The following SLC24A2 variants were observed in gnomAD, a reference collection of about 807,000 sequenced individuals.
SLC24A2 encodes sodium/potassium/calcium exchanger 2.
SLC24A2 carries 36 observed loss-of-function variants against 62.0 expected under a neutral mutation model. The observed-to-expected ratio is 0.58, with a 90% CI of 0.44 to 0.77. The LOEUF is 0.77. SLC24A2 is among the 30% of genes least tolerant of loss of function. SLC24A2 has a pLI of 0.00. For missense variants in SLC24A2, 846 were observed against 817.9 expected (o/e 1.03, Z -0.42); for synonymous variants, 358 against 294.0 (o/e 1.22, Z -2.23).
chr9:19,723,342 A>G (rs1386157622), intron 2 of SLC24A2, among the ~76,000 whole-genome samples: 1 of 152,110 alleles, frequency 6.6e-6, no homozygotes. Context: ...TCTGCTAACA[A>G]TAAAGAAAAA....
the SLC24A2 span, among the ~76,000 whole-genome samples, chr9:20,057,109 G>A: frequency 6.6e-6 from 1 of 152,130 alleles, no homozygotes; most frequent in African/African-American, 2.4e-5. Flanking sequence ...GTGTGTGTGT[G>A]CATGTGCATT....
the SLC24A2 span, among the ~76,000 whole-genome samples, chr9:19,797,808 T>C: frequency 6.6e-6 from 1 of 152,192 alleles, no homozygotes; most frequent in African/African-American, 2.4e-5. Context: ...CTCCCCCTTT[T>C]TGCCAGCGTG....
intron 9 of SLC24A2, among the ~76,000 whole-genome samples, chr9:19,521,997 C>G (rs1001232283): frequency 6.6e-6 from 1 of 151,628 alleles, no homozygotes; most frequent in Non-Finnish European, 1.5e-5. Flanking sequence ...CTTCTTGGGA[C>G]TTTTTAGAAA....
At chr9:19,621,524 T>A (rs1293800646) in intron 3 of SLC24A2, among the ~76,000 whole-genome samples, 1 of 152,202 alleles carries the variant, frequency 6.6e-6, no homozygotes, top group African/African-American at 2.4e-5. Flanking sequence ...ATGATTACGG[T>A]TCAAAACATT....
chr9:20,240,700 A>AG, the SLC24A2 span, among the ~76,000 whole-genome samples: 7 of 152,152 alleles, frequency 4.6e-5, no homozygotes, highest in East Asian at 1.9e-4. Context: ...TGGTCATTTC[A>AG]GGGGGGTTTT....
At chr9:19,691,531 T>G (rs1820046211) in intron 2 of SLC24A2, among the ~76,000 whole-genome samples, 1 of 152,162 alleles carries the variant, frequency 6.6e-6, no homozygotes, top group African/African-American at 2.4e-5. Context: ...CATAGCTGGG[T>G]TCTATCTCTG....
chr9:19,778,311 C>T (rs1317927164), intron 2 of SLC24A2, among the ~76,000 whole-genome samples: 1 of 152,086 alleles, frequency 6.6e-6, no homozygotes, highest in Non-Finnish European at 1.5e-5. Context: ...TATTGCTTTG[C>T]CTTCAAGGTA....
the SLC24A2 span, among the ~76,000 whole-genome samples, chr9:19,976,051 A>C: frequency 6.6e-6 from 1 of 152,072 alleles, no homozygotes; most frequent in Non-Finnish European, 1.5e-5. Flanking sequence ...TAATTTTTAA[A>C]TTTTTAACTT....
the SLC24A2 span, among the ~76,000 whole-genome samples, chr9:20,063,771 A>C: frequency 6.6e-6 from 1 of 152,222 alleles, no homozygotes; most frequent in African/African-American, 2.4e-5. Flanking sequence ...GCACATTTAA[A>C]AGTGCTTGAC....
chr9:20,244,549 C>T, the SLC24A2 span, among the ~76,000 whole-genome samples: 4 of 152,186 alleles, frequency 2.6e-5, no homozygotes, highest in African/African-American at 9.7e-5. Context: ...GCACCAGTGC[C>T]GAACATCTTT....
Position 19,513,166 on chromosome 9 carries a change from A to ATG in SLC24A2, c.*2986_*2987insCA, listed in dbSNP as rs1832785881. Reference sequence around the variant, plus strand: ...ATCTGGTATAAAGATATATATATATATATATATATGTATATATATATATAT... The same window carrying ATG: ...ATCTGGTATAAAGATATATATATATATGTATATATATGTATATATATATATAT... On this transcript the variant is annotated 3_prime_UTR_variant, in exon 11 of 11. Transcript: ENST00000341998. 1 of 61,320 alleles carries ATG rather than the reference A, an allele frequency of 1.6e-5. No homozygotes were observed. The highest frequency in any genetic ancestry group is 1.6e-4 in the Admixed American group (1 of 6,112). 3.8% of individuals were successfully genotyped at this position (61,320 alleles called of 1,614,324 possible).
the SLC24A2 span, among the ~76,000 whole-genome samples, chr9:19,819,541 G>C: frequency 1.3e-5 from 2 of 151,894 alleles, no homozygotes; most frequent in South Asian, 2.1e-4. Flanking sequence ...TCAAAAAGTG[G>C]GCTAAGGACA....
chr9:20,097,720 A>ATTTTTTTTTTTTTTTTTTTT, the SLC24A2 span, among the ~76,000 whole-genome samples: 3 of 69,114 alleles, frequency 4.3e-5, no homozygotes, highest in Admixed American at 2.1e-4. Context: ...ATCTTAAATA[A>ATTTTTTTTTTTTTTTTTTTT]TTTTTTTTTT....
intron 8 of SLC24A2, among the ~76,000 whole-genome samples, chr9:19,548,551 C>A (rs1399533556): frequency 6.6e-6 from 1 of 152,178 alleles, no homozygotes; most frequent in Non-Finnish European, 1.5e-5. Context: ...TAAAGGCTGG[C>A]AAAATGTTCA....
chr9:19,784,570 T>G (rs914508966), intron 2 of SLC24A2, among the ~76,000 whole-genome samples: 1 of 152,202 alleles, frequency 6.6e-6, no homozygotes, highest in Non-Finnish European at 1.5e-5. Context: ...ACTATCAATG[T>G]ACACCACCCA....
chr9:19,706,046 C>T (rs893471424), intron 2 of SLC24A2, among the ~76,000 whole-genome samples: 1 of 151,950 alleles, frequency 6.6e-6, no homozygotes, highest in Non-Finnish European at 1.5e-5. Context: ...TAAAGTCTCC[C>T]ATTATTATTG....
chr9:20,014,760 T>C, the SLC24A2 span, among the ~76,000 whole-genome samples: 1 of 152,074 alleles, frequency 6.6e-6, no homozygotes, highest in Non-Finnish European at 1.5e-5. Context: ...GAAAAGTTGT[T>C]GTCCAAAGGG....
intron 2 of SLC24A2, among the ~76,000 whole-genome samples, chr9:19,738,238 C>T (rs1386314524): frequency 6.6e-6 from 1 of 152,122 alleles, no homozygotes; most frequent in South Asian, 2.1e-4. Flanking sequence ...CAGTGTTTGT[C>T]CCCACTATCA....
intron 2 of SLC24A2, among the ~76,000 whole-genome samples, chr9:19,733,265 T>C (rs1821393462): frequency 6.6e-6 from 1 of 152,160 alleles, no homozygotes; most frequent in South Asian, 2.1e-4. Flanking sequence ...CTGTTATTTG[T>C]GAATGCATTT....
Sources: gnomAD v4.1 joint callset for allele counts (sites outside exome capture counted in the v4.1 genomes callset) on GRCh38, gnomAD v4.1.1 for gene constraint, MANE v1.5 for transcripts, NCBI Gene and HGNC (gene_info 2026-07-23, HGNC 2026-07-21) for gene names.